Variants in PVT1 observed in about 807,000 individuals in gnomAD.
PVT1 encodes CXCR4/PVT1 fusion.
chr8:127,859,609 A>T (rs1815197516), intron 2 of PVT1, among the ~76,000 whole-genome samples: 1 of 152,146 alleles, frequency 6.6e-6, no homozygotes, highest in Admixed American at 6.5e-5. Flanking sequence ...TCCCCGCCAG[A>T]GTCCTGGCTG....
intron 2 of PVT1, among the ~76,000 whole-genome samples, chr8:127,836,109 T>C (rs1032463040): frequency 1.3e-5 from 2 of 152,096 alleles, no homozygotes; most frequent in Non-Finnish European, 2.9e-5. Flanking sequence ...AACCTCCATT[T>C]CTCATCACTG....
intron 4 of PVT1, among the ~76,000 whole-genome samples, chr8:128,044,194 C>CA (rs1813584571): frequency 6.9e-6 from 1 of 144,536 alleles, no homozygotes; most frequent in East Asian, 2.1e-4. Context: ...TCTATGCAGA[C>CA]AGCACCCACC....
At chr8:127,905,641 T>C (rs1815810813) in intron 3 of PVT1, among the ~76,000 whole-genome samples, 1 of 152,184 alleles carries the variant, frequency 6.6e-6, no homozygotes, top group Non-Finnish European at 1.5e-5. Flanking sequence ...GGGTTTTTTT[T>C]TGAGTATATA....
chr8:127,972,449 C>T (rs1054580810), intron 3 of PVT1, among the ~76,000 whole-genome samples: 3 of 152,166 alleles, frequency 2.0e-5, no homozygotes, highest in South Asian at 2.1e-4. Flanking sequence ...GTTAGATGTG[C>T]CCCAACCCAG....
intron 4 of PVT1, among the ~76,000 whole-genome samples, chr8:127,996,372 G>C (rs756854891): frequency 2.0e-5 from 3 of 151,386 alleles, no homozygotes; most frequent in Admixed American, 6.6e-5. Context: ...TTCCTTTTTA[G>C]TTTGGTCACC....
At chr8:127,963,357 C>G (rs150702246) in intron 3 of PVT1, among the ~76,000 whole-genome samples, 1 of 152,272 alleles carries the variant, frequency 6.6e-6, no homozygotes, top group East Asian at 1.9e-4. Context: ...CTCTCAGTGT[C>G]TGACACCTGG....
At chr8:127,869,653 TA>T (rs770395779) in intron 2 of PVT1, among the ~76,000 whole-genome samples, 4 of 152,190 alleles carry the variant, frequency 2.6e-5, no homozygotes, top group Non-Finnish European at 5.9e-5. Flanking sequence ...TGCTACTTCA[TA>T]ACCTGCAAGC....
intron 3 of PVT1, among the ~76,000 whole-genome samples, chr8:127,917,709 C>T (rs1002741104): frequency 2.6e-5 from 4 of 152,250 alleles, no homozygotes; most frequent in African/African-American, 9.6e-5. Flanking sequence ...AGTGGCTTGG[C>T]CGCCCCAACG....
At chr8:127,920,583 A>G (rs1288090818) in intron 3 of PVT1, among the ~76,000 whole-genome samples, 3 of 152,224 alleles carry the variant, frequency 2.0e-5, no homozygotes, top group African/African-American at 4.8e-5. Flanking sequence ...AATAAATGTT[A>G]GCTATTGATA....
intron 2 of PVT1, among the ~76,000 whole-genome samples, chr8:127,807,751 T>A: frequency 6.6e-6 from 1 of 152,128 alleles, no homozygotes; most frequent in East Asian, 1.9e-4. Flanking sequence ...CAATTCTAGG[T>A]TCTTTGAATT....
chr8:127,816,965 G>A (rs1814668480), intron 2 of PVT1, among the ~76,000 whole-genome samples: 1 of 152,158 alleles, frequency 6.6e-6, no homozygotes, highest in African/African-American at 2.4e-5. Context: ...GACCACAGTT[G>A]ATTGATCTGT....
intron 2 of PVT1, among the ~76,000 whole-genome samples, chr8:127,850,112 A>G (rs943567105): frequency 3.1e-4 from 47 of 152,178 alleles, no homozygotes; most frequent in African/African-American, 1.1e-3. Context: ...CATGTGTGTG[A>G]GCCTGTGGGT....
intron 6 of PVT1, among the ~76,000 whole-genome samples, chr8:128,097,359 C>A (rs575453974): frequency 6.6e-6 from 1 of 151,978 alleles, no homozygotes; most frequent in African/African-American, 2.4e-5. Flanking sequence ...GAGACTACTT[C>A]TCAAAACAAA....
rs190425536 is a variant in PVT1, at chr8:127,859,005, G to C, written n.373-31584G>C. On this transcript the variant is annotated intron_variant and non_coding_transcript_variant, in intron 2 of 10. Transcript: ENST00000651587. ...TTACTTTTTGTAGAGACAGGGTCTTGCTATGTTGCCCAGGCTGGTCTTCAA... is the reference window on the plus strand; with the variant it reads ...TTACTTTTTGTAGAGACAGGGTCTTCCTATGTTGCCCAGGCTGGTCTTCAA... Among the ~76,000 whole-genome samples, 89 of 151,684 alleles carry C rather than the reference G, an allele frequency of 5.9e-4. No homozygotes were observed. In the East Asian group the frequency reaches 0.016, roughly 27 times the overall value.
At chr8:127,843,084 G>A (rs1450646472) in intron 2 of PVT1, among the ~76,000 whole-genome samples, 6 of 152,180 alleles carry the variant, frequency 3.9e-5, no homozygotes, top group Non-Finnish European at 7.4e-5. Flanking sequence ...GGCTGGGCAC[G>A]GTGGCTCGTG....
At chr8:128,099,526 C>G (rs1236276860) in intron 6 of PVT1, 1 of 152,246 alleles carries the variant, frequency 6.6e-6, no homozygotes, top group Non-Finnish European at 1.5e-5. Context: ...TGGCCTGCCC[C>G]TTCTATGGGA....
chr8:127,854,792 T>G, intron 2 of PVT1: 1 of 175,528 alleles, frequency 5.7e-6, no homozygotes, highest in Non-Finnish European at 1.2e-5. Flanking sequence ...CGTCTTCGTA[T>G]TTTGTGAGTG....
intron 2 of PVT1, among the ~76,000 whole-genome samples, chr8:127,869,568 A>C (rs967697026): frequency 5.9e-5 from 9 of 151,816 alleles, no homozygotes; most frequent in Non-Finnish European, 8.8e-5. Flanking sequence ...GACAATACCA[A>C]CTGTTTCCCA....
At chr8:128,067,210 A>C (rs180785052) in intron 4 of PVT1, among the ~76,000 whole-genome samples, 83 of 152,230 alleles carry the variant, frequency 5.5e-4, no homozygotes, top group African/African-American at 1.9e-3. Context: ...TCGGTTATAC[A>C]CTCAAGGAAT....
Sources: allele counts gnomAD v4.1 joint callset (sites outside exome capture counted in the v4.1 genomes callset), GRCh38; gene constraint gnomAD v4.1.1; transcripts MANE v1.5; gene names NCBI Gene and HGNC (gene_info 2026-07-23, HGNC 2026-07-21).